SHANK2: variants seen among roughly 807,000 people sequenced by gnomAD.
The protein encoded by SHANK2 is SH3 and multiple ankyrin repeat domains 2.
Under a neutral mutation model 133.7 loss-of-function variants are expected in SHANK2, and 43 were observed. The ratio of observed to expected loss-of-function variants is 0.32; its 90% confidence interval spans 0.25 to 0.41. The LOEUF (loss-of-function observed/expected upper bound fraction) is 0.41. SHANK2 is among the 10% of genes least tolerant of loss of function. SHANK2 has a pLI of 1.00. For missense variants in SHANK2, 1,994 were observed against 2,235.8 expected, an observed-to-expected ratio of 0.89 and a Z score of 2.18; for synonymous variants, 1,017 against 952.8, an observed-to-expected ratio of 1.07 and a Z score of -1.24.
intron 14 of SHANK2, among the ~76,000 whole-genome samples, chr11:70,761,410 C>T (rs1482600743): frequency 2.0e-5 from 3 of 152,060 alleles, no homozygotes; most frequent in African/African-American, 7.2e-5. Flanking sequence ...GTGTGTGAGC[C>T]CCAGTCTCGA....
intron 11 of SHANK2, among the ~76,000 whole-genome samples, chr11:70,884,757 G>T (rs377427129): frequency 3.3e-5 from 5 of 152,164 alleles, no homozygotes; most frequent in Non-Finnish European, 7.3e-5. Context: ...TCTCGTTCTT[G>T]TTGCCCAGGC....
chr11:70,526,676 C>T (rs1224471479), intron 17 of SHANK2, among the ~76,000 whole-genome samples: 1 of 152,240 alleles, frequency 6.6e-6, no homozygotes. Context: ...GGTCACAATG[C>T]CACCTCGCAG....
At chr11:70,603,560 G>A (rs1459021900) in intron 17 of SHANK2, 1 of 152,316 alleles carries the variant, frequency 6.6e-6, no homozygotes, top group Non-Finnish European at 1.5e-5. Context: ...CTAATAATGT[G>A]TCACTGACAC....
chr11:71,234,652 T>C (rs577511890), intron 1 of SHANK2, among the ~76,000 whole-genome samples: 12 of 152,250 alleles, frequency 7.9e-5, no homozygotes, highest in Non-Finnish European at 1.6e-4. Flanking sequence ...GGGCCTGGTC[T>C]CTGGAGCAGC....
intron 17 of SHANK2, among the ~76,000 whole-genome samples, chr11:70,568,655 G>T (rs868968303): frequency 2.2e-5 from 1 of 46,308 alleles, no homozygotes; most frequent in Admixed American, 2.1e-4. Context: ...TGCCCCCCCC[G>T]CCCACTTCCT....
chr11:70,602,046 T>TCGTGG (rs1172237025), intron 17 of SHANK2, among the ~76,000 whole-genome samples: 1 of 152,216 alleles, frequency 6.6e-6, no homozygotes, highest in Non-Finnish European at 1.5e-5. Context: ...GGCGGGTCCC[T>TCGTGG]CGTGGCTTGG....
At chr11:70,650,838 T>C (rs1475964360) in intron 17 of SHANK2, among the ~76,000 whole-genome samples, 1 of 152,238 alleles carries the variant, frequency 6.6e-6, no homozygotes, top group Admixed American at 6.5e-5. Context: ...TTCTAGACTG[T>C]GTGTTCCTCA....
At chr11:70,795,845 G>A (rs1228401183) in intron 14 of SHANK2, among the ~76,000 whole-genome samples, 1 of 152,216 alleles carries the variant, frequency 6.6e-6, no homozygotes, top group Non-Finnish European at 1.5e-5. Flanking sequence ...TGTCGGAAAG[G>A]CAAGGAAACA....
intron 17 of SHANK2, among the ~76,000 whole-genome samples, chr11:70,599,943 GAA>G (rs1478549460): frequency 7.7e-6 from 1 of 129,934 alleles, no homozygotes; most frequent in African/African-American, 3.5e-5. Flanking sequence ...AAGAAAGAAA[GAA>G]AGAAAGAAAG....
chr11:70,493,667 C>G (rs2058929571), intron 21 of SHANK2, among the ~76,000 whole-genome samples: 1 of 152,102 alleles, frequency 6.6e-6, no homozygotes, highest in Non-Finnish European at 1.5e-5. Flanking sequence ...AGCTGTACTT[C>G]TAAGATGTCA....
At chr11:70,575,005 C>T (rs2060097926) in intron 17 of SHANK2, among the ~76,000 whole-genome samples, 1 of 152,182 alleles carries the variant, frequency 6.6e-6, no homozygotes, top group Non-Finnish European at 1.5e-5. Context: ...CATCCCCACA[C>T]TCACACACAG....
At position 70,830,628 on chromosome 11, in the gene SHANK2, G is replaced by C. The variant is rs1187891491; in HGVS notation, c.1175-9946C>G. ...TTCCGAGGATGACCGAGCGCTAGTG[G>C]TTGAGATGAAAATTAAGACAAAGAT... On this transcript the variant is annotated intron_variant, in intron 11 of 25. Transcript: ENST00000601538. The surrounding 1 kb of genome is among the most constrained non-coding windows in gnomAD (Gnocchi z 4.4). Among the ~76,000 whole-genome samples the C allele has an allele frequency of 1.3e-5, 2 of 152,234 alleles. No homozygotes were observed. The highest frequency in any genetic ancestry group is 2.9e-5 in the Non-Finnish European group (2 of 68,048).
At chr11:70,496,819 T>C (rs1555157193) in intron 21 of SHANK2, among the ~76,000 whole-genome samples, 3 of 151,188 alleles carry the variant, frequency 2.0e-5, no homozygotes, top group African/African-American at 7.3e-5. Context: ...ATGGTTGGGG[T>C]CACCATTGGC....
intron 9 of SHANK2, among the ~76,000 whole-genome samples, chr11:71,067,544 T>G (rs1305686038): frequency 6.6e-6 from 1 of 152,208 alleles, no homozygotes; most frequent in Non-Finnish European, 1.5e-5. Context: ...GAGAACATTC[T>G]AATCATAGTG....
chr11:70,810,795 C>T (rs1166994633), intron 12 of SHANK2, among the ~76,000 whole-genome samples: 3 of 152,204 alleles, frequency 2.0e-5, no homozygotes, highest in Non-Finnish European at 4.4e-5. Context: ...GCTCAGTTCC[C>T]AGCCCCGCTG....
At chr11:70,568,479 C>A (rs1202572717) in intron 17 of SHANK2, among the ~76,000 whole-genome samples, 1 of 152,098 alleles carries the variant, frequency 6.6e-6, no homozygotes. Context: ...TTCTTGGAGG[C>A]GGCTGCAATC....
At chr11:71,075,443 A>G (rs893092507) in intron 8 of SHANK2, among the ~76,000 whole-genome samples, 168 bp from the exon 9 acceptor site, 6 of 152,184 alleles carry the variant, frequency 3.9e-5, no homozygotes, top group Admixed American at 2.6e-4. Context: ...CTCTAAAGAC[A>G]TCAGCATGCA....
intron 9 of SHANK2, among the ~76,000 whole-genome samples, chr11:71,065,731 A>T (rs1476731950): frequency 9.3e-6 from 1 of 107,178 alleles, no homozygotes; most frequent in African/African-American, 3.6e-5. Context: ...TGGGGGTGGT[A>T]CAGAACTCTC....
At chr11:70,577,860 T>C (rs949425755) in intron 17 of SHANK2, among the ~76,000 whole-genome samples, 2 of 152,192 alleles carry the variant, frequency 1.3e-5, no homozygotes, top group South Asian at 4.1e-4. Context: ...AATGAGGCCA[T>C]TAGGGTGGGC....
Sources: gnomAD v4.1 joint callset for allele counts (sites outside exome capture counted in the v4.1 genomes callset) on GRCh38, gnomAD v4.1.1 for gene constraint, Gnocchi (gnomAD v3.1) non-coding constraint, MANE v1.5 for transcripts, NCBI Gene and HGNC (gene_info 2026-07-23, HGNC 2026-07-21) for gene names.